NPHP1: variants seen among roughly 807,000 people sequenced by gnomAD.
NPHP1 encodes nephrocystin-1.
In NPHP1, 70 loss-of-function variants were observed where a neutral mutation model predicts 90.4. The observed-to-expected ratio is 0.77, with a 90% CI of 0.64 to 0.95. The LOEUF (loss-of-function observed/expected upper bound fraction) is 0.95. NPHP1 is among the 40% of genes least tolerant of loss of function. The pLI is 0.00. For missense variants in NPHP1, 764 were observed against 795.9 expected, an observed-to-expected ratio of 0.96 and a Z score of 0.48; for synonymous variants, 256 against 271.7, an observed-to-expected ratio of 0.94 and a Z score of 0.57.
At chr2:110,188,612 T>A (rs4953845) in intron 2 of NPHP1, among the ~76,000 whole-genome samples, 46,992 of 151,970 alleles carry the variant, frequency 0.31, 7,829 homozygotes, top group East Asian at 0.55. Flanking sequence ...TTCAATGCTA[T>A]TCCCATCAAA....
intron 19 of NPHP1, chr2:110,124,299 G>T (rs981286761): frequency 1.7e-6 from 1 of 586,194 alleles, no homozygotes; most frequent in Non-Finnish European, 3.1e-6. Context: ...GTGGCTCCAT[G>T]AGACCAGGGT....
intron 10 of NPHP1, among the ~76,000 whole-genome samples, chr2:110,161,139 C>G (rs1682283600): frequency 6.6e-6 from 1 of 152,138 alleles, no homozygotes; most frequent in Admixed American, 6.5e-5. Context: ...GCCCTCTAGC[C>G]TGGGTGACAG....
intron 2 of NPHP1, chr2:110,184,705 G>T: frequency 1.4e-6 from 1 of 723,278 alleles, no homozygotes; most frequent in Middle Eastern, 2.4e-4. Flanking sequence ...CATCCTTTGA[G>T]TTTGAGATTG....
chr2:110,184,840 A>G (rs745829554), intron 2 of NPHP1: 5 of 704,814 alleles, frequency 7.1e-6, no homozygotes, highest in Admixed American at 1.8e-5. Flanking sequence ...GTCCTTCCCA[A>G]TTCCGGGCCC....
At chr2:110,147,101 T>C (rs984828913) in intron 13 of NPHP1, among the ~76,000 whole-genome samples, 14 of 152,292 alleles carry the variant, frequency 9.2e-5, no homozygotes, top group South Asian at 4.1e-4. Context: ...TGCCATTGTC[T>C]CTTGACTGAT....
At chr2:110,144,122 G>A (rs537197828) in intron 15 of NPHP1, 9 of 324,404 alleles carry the variant, frequency 2.8e-5, no homozygotes, top group Middle Eastern at 1.0e-3. Flanking sequence ...AATGAACATA[G>A]TAAAAGATGC....
chr2:110,187,907 G>C (rs1285631956), intron 2 of NPHP1, among the ~76,000 whole-genome samples: 1 of 134,882 alleles, frequency 7.4e-6, no homozygotes, highest in Non-Finnish European at 1.7e-5. Flanking sequence ...CAGAACTTAA[G>C]ACAAAAAAAA....
At chr2:110,193,898 G>A (rs935758111) in intron 2 of NPHP1, among the ~76,000 whole-genome samples, 43 of 152,064 alleles carry the variant, frequency 2.8e-4, no homozygotes, top group Non-Finnish European at 5.6e-4. Context: ...AACCTGCTCC[G>A]GAATGACTAC....
chr2:110,176,694 T>A (rs1683535499), intron 4 of NPHP1, among the ~76,000 whole-genome samples: 1 of 152,168 alleles, frequency 6.6e-6, no homozygotes, highest in South Asian at 2.1e-4. Flanking sequence ...TATTCCTAGA[T>A]CATGGTTGTT....
intron 4 of NPHP1, among the ~76,000 whole-genome samples, chr2:110,170,227 T>C (rs921541106): frequency 1.3e-5 from 2 of 152,180 alleles, no homozygotes; most frequent in Non-Finnish European, 2.9e-5. Flanking sequence ...AGAGCATCAC[T>C]GGACTTGAGG....
chr2:110,193,430 AG>A (rs1436192269), intron 2 of NPHP1, among the ~76,000 whole-genome samples: 2 of 152,132 alleles, frequency 1.3e-5, no homozygotes, highest in Non-Finnish European at 2.9e-5. Context: ...ATAATGGTAA[AG>A]GGATCAATTC....
intron 2 of NPHP1, among the ~76,000 whole-genome samples, chr2:110,187,388 C>T (rs1231378416): frequency 6.6e-6 from 1 of 152,118 alleles, no homozygotes; most frequent in East Asian, 1.9e-4. Context: ...ACTATAAACA[C>T]CTCTATGCAC....
At chr2:110,149,890 G>T (rs1681336909) in intron 12 of NPHP1, among the ~76,000 whole-genome samples, 1 of 152,100 alleles carries the variant, frequency 6.6e-6, no homozygotes, top group African/African-American at 2.4e-5. Context: ...ACAGTTGGAA[G>T]ATTTCATCTT....
chr2:110,123,939 C>G lies in NPHP1; in HGVS notation c.1886G>C (p.Trp629Ser). 1 of 1,614,140 alleles carries G rather than the reference C, an allele frequency of 6.2e-7. No homozygotes were observed. Among genetic ancestry groups the G allele is most frequent in the Non-Finnish European group, 8.5e-7 (1 of 1,180,002 alleles). The change falls in exon 20 of 20, where the codon TGG (tryptophan) becomes TCG (serine). Residue 629 changes from tryptophan to serine, a missense_variant. Physicochemically the swap from Trp to Ser is radical, Grantham distance 177. Transcript: ENST00000445609. ...WAEEETETARWKVITDFLKQN... is the reference protein window; with the variant it reads ...WAEEETETARSKVITDFLKQN... ...CTTAAGGAAGTCAGTGATAACTTTC[C>G]ACCGTGCAGTCTCAGTCTCTTCTTC...
intron 6 of NPHP1, among the ~76,000 whole-genome samples, chr2:110,165,740 TA>T (rs1682682367): frequency 6.6e-6 from 1 of 152,038 alleles, no homozygotes; most frequent in Non-Finnish European, 1.5e-5. Flanking sequence ...TAAAATATTA[TA>T]AAAGCTCTTA....
In NPHP1 at chr2:110,184,511, G is replaced by A; in HGVS notation, c.144-4827C>T. 1.1e-5 allele frequency: 12 copies of A among 1,137,368 alleles called. No homozygotes were observed. The South Asian group carries it at 1.7e-4, about 16-fold the overall frequency. 70.5% of individuals were successfully genotyped at this position (1,137,368 alleles called of 1,614,324 possible). Reference sequence around the variant, plus strand: ...TGCTCAGCCTTTATGCCACAGGCAGGACCACGGGGGTGGTGCTGGATTCTG... The same window carrying A: ...TGCTCAGCCTTTATGCCACAGGCAGAACCACGGGGGTGGTGCTGGATTCTG... On this transcript the variant is annotated intron_variant, in intron 2 of 19. Transcript: ENST00000445609.
chr2:110,156,837 C>T (rs544163959), intron 11 of NPHP1, among the ~76,000 whole-genome samples: 3 of 148,810 alleles, frequency 2.0e-5, no homozygotes, highest in South Asian at 4.3e-4. Flanking sequence ...AGTGCAGTGG[C>T]GCAATCTTGG....
rs1683124430 is a variant in NPHP1 at position 110,171,447 on chromosome 2, A to G, written c.330-1449T>C. ...TAGTCAACTACAAGATTTTCTCTGGAATAAAAAGGAATATTAGCTGAACTT... is the reference window on the plus strand; with the variant it reads ...TAGTCAACTACAAGATTTTCTCTGGGATAAAAAGGAATATTAGCTGAACTT... On this transcript the variant is annotated intron_variant, in intron 4 of 19. Coordinates refer to ENST00000445609, the MANE Select transcript of NPHP1 (RefSeq NM_001128178.3). 3.3e-5 allele frequency among the ~76,000 whole-genome samples: 5 copies of G among 152,170 alleles called. No individual in the cohort carries two copies. The South Asian group carries it at 1.0e-3, about 32-fold the overall frequency.
intron 17 of NPHP1, among the ~76,000 whole-genome samples, chr2:110,130,749 G>T (rs920689494): frequency 2.0e-5 from 3 of 152,112 alleles, no homozygotes; most frequent in Non-Finnish European, 4.4e-5. Flanking sequence ...TACCCAGAAA[G>T]AATCCTTCCC....
Sources: gnomAD v4.1 joint callset for allele counts (sites outside exome capture counted in the v4.1 genomes callset) on GRCh38, gnomAD v4.1.1 for gene constraint, MANE v1.5 for transcripts, NCBI Gene and HGNC (gene_info 2026-07-23, HGNC 2026-07-21) for gene names.